The following ADAMTS3 variants were observed in gnomAD, a reference collection of about 807,000 sequenced individuals.
ADAMTS3 encodes A disintegrin and metalloproteinase with thrombospondin motifs 3.
In ADAMTS3, 73 loss-of-function variants were observed where a neutral mutation model predicts 129.0. The observed-to-expected ratio is 0.57, with a 90% CI of 0.47 to 0.69. ADAMTS3 has a LOEUF of 0.69. Among genes scored for constraint, ADAMTS3 ranks in the 30% least tolerant of loss-of-function variants. The pLI is 0.00. For synonymous variants in ADAMTS3, 477 were observed against 510.8 expected (o/e 0.93, Z 0.89); for missense variants, 1,457 against 1,514.5 (o/e 0.96, Z 0.63).
At chr4:72,310,564 CA>C in intron 14 of ADAMTS3, among the ~76,000 whole-genome samples, 1 of 151,968 alleles carries the variant, frequency 6.6e-6, no homozygotes, top group East Asian at 1.9e-4. Context: ...TTAAATGGAG[CA>C]AAAAAACATG....
At chr4:72,560,847 AAAATT>A (rs1456589867) in intron 2 of ADAMTS3, among the ~76,000 whole-genome samples, 1 of 152,218 alleles carries the variant, frequency 6.6e-6, no homozygotes, top group Admixed American at 6.5e-5. Context: ...ACTTAAAATT[AAAATT>A]AAATTTTTTT....
intron 21 of ADAMTS3, among the ~76,000 whole-genome samples, chr4:72,284,977 T>C (rs964077534): frequency 6.6e-6 from 1 of 152,196 alleles, no homozygotes; most frequent in African/African-American, 2.4e-5. Flanking sequence ...GAAACACTGA[T>C]CCATGCCCAA....
At chr4:72,353,375 A>G (rs1341988625) in intron 4 of ADAMTS3, among the ~76,000 whole-genome samples, 1 of 152,020 alleles carries the variant, frequency 6.6e-6, no homozygotes, top group East Asian at 1.9e-4. Context: ...TGAGATTTGG[A>G]ACTCAGAATG....
rs527952113 is a variant in ADAMTS3, at chr4:72,381,728, G to C, written c.661+33087C>G. Among the ~76,000 whole-genome samples the C allele has an allele frequency of 1.3e-3, 204 of 152,106 alleles. 1 individual carries two copies. The highest frequency in any genetic ancestry group is 4.8e-3 in the African/African-American group (198 of 41,490). ...TGGAGTTATAAAACAATGAAGACTAGTCCAGAAGGTGGCTGCATTTAAGCA... is the reference window on the plus strand; with the variant it reads ...TGGAGTTATAAAACAATGAAGACTACTCCAGAAGGTGGCTGCATTTAAGCA... On this transcript the variant is annotated intron_variant, in intron 4 of 21. Transcript: ENST00000286657.
intron 4 of ADAMTS3, among the ~76,000 whole-genome samples, chr4:72,355,916 A>G (rs1299779556): frequency 6.6e-6 from 1 of 152,044 alleles, no homozygotes; most frequent in Admixed American, 6.6e-5. Flanking sequence ...GGAAATTAGT[A>G]TGCCTTCATC....
intron 3 of ADAMTS3, among the ~76,000 whole-genome samples, chr4:72,475,279 A>G (rs1033207892): frequency 6.6e-6 from 1 of 152,050 alleles, no homozygotes; most frequent in Non-Finnish European, 1.5e-5. Flanking sequence ...AACTCTCTTC[A>G]ACGAAATAGG....
intron 3 of ADAMTS3, among the ~76,000 whole-genome samples, chr4:72,464,255 G>T (rs1361233623): frequency 2.0e-5 from 3 of 151,974 alleles, no homozygotes; most frequent in Non-Finnish European, 4.4e-5. Context: ...GAAGGATGCT[G>T]GGCCACAGAA....
At chr4:72,318,407 C>A (rs963732256) in intron 10 of ADAMTS3, among the ~76,000 whole-genome samples, 165 bp downstream of exon 10, 2 of 152,090 alleles carry the variant, frequency 1.3e-5, no homozygotes, top group Non-Finnish European at 2.9e-5. Flanking sequence ...TTAATTAAGA[C>A]AATATATTTA....
intron 3 of ADAMTS3, among the ~76,000 whole-genome samples, chr4:72,537,612 A>C (rs770121907): frequency 6.6e-6 from 1 of 152,032 alleles, no homozygotes; most frequent in Admixed American, 6.5e-5. Flanking sequence ...ACAAACAAAT[A>C]AACAACAACA....
At chr4:72,344,014 T>C (rs775753307) in intron 4 of ADAMTS3, among the ~76,000 whole-genome samples, 35 of 152,212 alleles carry the variant, frequency 2.3e-4, no homozygotes, top group Non-Finnish European at 4.0e-4. Context: ...CACCCCCTAG[T>C]TTCCCAATTA....
intron 3 of ADAMTS3, among the ~76,000 whole-genome samples, chr4:72,541,725 A>ACATGCTCT (rs1323992063): frequency 6.6e-6 from 1 of 152,166 alleles, no homozygotes; most frequent in Non-Finnish European, 1.5e-5. Flanking sequence ...GTTCCCCTGC[A>ACATGCTCT]CATGCTCTCT....
chr4:72,309,657 T>C, intron 14 of ADAMTS3, 137 bp from the exon 15 acceptor site: 3 of 848,482 alleles, frequency 3.5e-6, no homozygotes, highest in African/African-American at 1.7e-5. Flanking sequence ...GTAGTCATAA[T>C]TTTTAATACC....
At chr4:72,388,050 A>G (rs1270505673) in intron 4 of ADAMTS3, among the ~76,000 whole-genome samples, 1 of 152,234 alleles carries the variant, frequency 6.6e-6, no homozygotes, top group African/African-American at 2.4e-5. Context: ...AAACCAGACT[A>G]CTTTGTAAAG....
intron 3 of ADAMTS3, among the ~76,000 whole-genome samples, chr4:72,425,836 T>C (rs1722559218): frequency 6.6e-6 from 1 of 151,792 alleles, no homozygotes. Flanking sequence ...TATAGTCCTT[T>C]GGGTATATAC....
At chr4:72,325,473 G>A (rs1424233230) in intron 5 of ADAMTS3, among the ~76,000 whole-genome samples, 4 of 152,146 alleles carry the variant, frequency 2.6e-5, no homozygotes, top group African/African-American at 7.2e-5. Flanking sequence ...AGAGACTCAT[G>A]TCTATCCCAA....
chr4:72,451,691 T>C (rs1488764360), intron 3 of ADAMTS3, among the ~76,000 whole-genome samples: 2 of 151,728 alleles, frequency 1.3e-5, no homozygotes, highest in Admixed American at 1.3e-4. Context: ...ACCCAATATA[T>C]CTCTGACAAG....
chr4:72,337,648 T>C (rs1344095558), intron 5 of ADAMTS3, among the ~76,000 whole-genome samples: 1 of 152,150 alleles, frequency 6.6e-6, no homozygotes, highest in East Asian at 1.9e-4. Flanking sequence ...ACTAAAGCCT[T>C]ACCCTCCTAA....
intron 2 of ADAMTS3, among the ~76,000 whole-genome samples, chr4:72,561,082 G>A (rs368383813): frequency 9.2e-5 from 14 of 152,208 alleles, no homozygotes; most frequent in South Asian, 4.1e-4. Flanking sequence ...GGCCAGGCAC[G>A]GTGGCTAACA....
chr4:72,565,282 C>T (rs561112123), intron 2 of ADAMTS3, among the ~76,000 whole-genome samples: 2 of 152,208 alleles, frequency 1.3e-5, no homozygotes, highest in South Asian at 4.1e-4. Context: ...AATCTACAAA[C>T]ATTATTTGTC....
Sources: allele counts gnomAD v4.1 joint callset (sites outside exome capture counted in the v4.1 genomes callset), GRCh38; gene constraint gnomAD v4.1.1; transcripts MANE v1.5; gene names NCBI Gene and HGNC (gene_info 2026-07-23, HGNC 2026-07-21).